Variants in ADAMTSL1 observed in about 807,000 individuals in gnomAD.
ADAMTSL1 encodes the protein ADAMTS-like protein 1.
A neutral mutation model predicts 201.8 loss-of-function variants in ADAMTSL1; 126 were observed. The ratio of observed to expected loss-of-function variants is 0.62; its 90% confidence interval spans 0.54 to 0.72. The LOEUF (loss-of-function observed/expected upper bound fraction) is 0.72, where lower values mean the gene tolerates loss of function less well. Ranked by LOEUF, ADAMTSL1 falls within the 30% of genes least tolerant of loss-of-function variation. The pLI, the probability that ADAMTSL1 is intolerant of heterozygous loss-of-function variation, is 0.00. For missense variants in ADAMTSL1, 2,679 were observed against 2,277.8 expected, an observed-to-expected ratio of 1.18 and a Z score of -3.59; for synonymous variants, 1,121 against 903.4, an observed-to-expected ratio of 1.24 and a Z score of -4.32.
chr9:18,181,966 T>G (rs1010909582), intron 2 of ADAMTSL1, among the ~76,000 whole-genome samples: 72 of 152,152 alleles, frequency 4.7e-4, no homozygotes, highest in African/African-American at 1.6e-3. Flanking sequence ...CATAAAAAAA[T>G]GATGAGTTCA....
At chr9:18,355,260 C>T (rs7862005) in intron 2 of ADAMTSL1, among the ~76,000 whole-genome samples, 62,762 of 152,018 alleles carry the variant, frequency 0.41, 13,572 homozygotes, top group Middle Eastern at 0.49. Flanking sequence ...GTCCTTCAAA[C>T]TCTAGAAGAA....
At chr9:18,733,173 C>T (rs79489796) in intron 15 of ADAMTSL1, among the ~76,000 whole-genome samples, 10,953 of 152,168 alleles carry the variant, frequency 0.072, 786 homozygotes, top group African/African-American at 0.18. Context: ...TGGGAATGAC[C>T]GCAGTGTAAA....
intron 19 of ADAMTSL1, among the ~76,000 whole-genome samples, chr9:18,780,453 G>C (rs1439082910): frequency 4.6e-5 from 7 of 152,232 alleles, no homozygotes; most frequent in Middle Eastern, 3.4e-3. Flanking sequence ...AGTTTGAGAA[G>C]GGCAAACTTA....
chr9:18,614,403 G>C (rs981963851), intron 4 of ADAMTSL1, among the ~76,000 whole-genome samples: 3 of 152,142 alleles, frequency 2.0e-5, no homozygotes, highest in Non-Finnish European at 4.4e-5. Context: ...ACAAATCCTA[G>C]TAATGCGATT....
At chr9:18,622,555 C>G (rs1344630725) in intron 5 of ADAMTSL1, 186 bp downstream of exon 5, 2 of 815,508 alleles carry the variant, frequency 2.5e-6, no homozygotes, top group Admixed American at 5.7e-5. Context: ...TTACCAGCTG[C>G]AGTCCCAAAG....
At chr9:18,406,556 C>T (rs908412977) in intron 2 of ADAMTSL1, among the ~76,000 whole-genome samples, 12 of 152,044 alleles carry the variant, frequency 7.9e-5, no homozygotes, top group African/African-American at 2.9e-4. Context: ...GGTTCAAACT[C>T]CTGACCTCAA....
chr9:18,588,744 T>G (rs1462476243), intron 4 of ADAMTSL1, among the ~76,000 whole-genome samples: 1 of 151,814 alleles, frequency 6.6e-6, no homozygotes, highest in East Asian at 1.9e-4. Context: ...TCTTGGGATC[T>G]TTGTTGAAAA....
In ADAMTSL1 at chr9:18,910,248, T is replaced by TA. The variant is rs1012238739; in HGVS notation, c.*1706dup. ...AACAGGCTCTAAGAAATCATGTTAC[T>TA]AAAAAATCAGTGTAAAGTCTGTTTA... On this transcript the variant is annotated 3_prime_UTR_variant, in exon 29 of 29. Coordinates refer to ENST00000380548, the MANE Select transcript of ADAMTSL1 (RefSeq NM_001040272.6). 1.5e-4 allele frequency: 23 copies of TA among 152,310 alleles called. No homozygotes were observed. Among genetic ancestry groups the TA allele is most frequent in the African/African-American group, 5.1e-4 (21 of 41,574 alleles). The allele number at this position is 152,310 out of a possible 1,614,324, so 9.4% of individuals were successfully genotyped here.
intron 2 of ADAMTSL1, among the ~76,000 whole-genome samples, chr9:18,392,083 C>G (rs1478652193): frequency 1.3e-5 from 2 of 152,066 alleles, no homozygotes; most frequent in African/African-American, 4.8e-5. Flanking sequence ...CTCGGCCTCC[C>G]AAAGTGCTGG....
intron 1 of ADAMTSL1, among the ~76,000 whole-genome samples, chr9:18,121,234 A>G (rs1825482845): frequency 6.6e-6 from 1 of 152,192 alleles, no homozygotes; most frequent in Admixed American, 6.5e-5. Flanking sequence ...AGACAGTTGT[A>G]CATAAAGAGA....
chr9:18,817,029 G>A (rs1396817245), intron 20 of ADAMTSL1, 80 bp from the exon 21 acceptor site: 1 of 1,541,636 alleles, frequency 6.5e-7, no homozygotes, highest in Non-Finnish European at 8.7e-7. Context: ...ATGCATTGGT[G>A]GTTAGCCCAT....
intron 1 of ADAMTSL1, among the ~76,000 whole-genome samples, chr9:17,988,748 C>T (rs533742825): frequency 6.6e-6 from 1 of 151,752 alleles, no homozygotes; most frequent in Non-Finnish European, 1.5e-5. Context: ...AACTCTTTTC[C>T]TTTTTCAGAG....
intron 3 of ADAMTSL1, among the ~76,000 whole-genome samples, chr9:18,566,907 G>C (rs1422077776): frequency 6.6e-6 from 1 of 152,168 alleles, no homozygotes; most frequent in African/African-American, 2.4e-5. Flanking sequence ...ATCAGATTCT[G>C]TGTTTTTTGT....
chr9:18,640,461 G>A (rs1374225819), intron 7 of ADAMTSL1, among the ~76,000 whole-genome samples: 1 of 152,072 alleles, frequency 6.6e-6, no homozygotes, highest in African/African-American at 2.4e-5. Context: ...GGCCTTGTGA[G>A]AGTTAATACA....
intron 1 of ADAMTSL1, among the ~76,000 whole-genome samples, chr9:18,043,100 C>T (rs1480332460): frequency 1.3e-5 from 2 of 152,056 alleles, no homozygotes; most frequent in Admixed American, 1.3e-4. Flanking sequence ...TAGTACAGAC[C>T]AGTCTTTTTC....
chr9:18,625,503 T>C (rs1055520058), intron 5 of ADAMTSL1, among the ~76,000 whole-genome samples: 1 of 152,182 alleles, frequency 6.6e-6, no homozygotes, highest in Non-Finnish European at 1.5e-5. Flanking sequence ...CAAAGTACTC[T>C]TTCTCCTTTC....
chr9:17,996,482 G>T (rs181625005), intron 1 of ADAMTSL1, among the ~76,000 whole-genome samples: 1 of 152,098 alleles, frequency 6.6e-6, no homozygotes. Flanking sequence ...CCAGGGAGGT[G>T]AAGATTGAAC....
chr9:18,202,810 A>C (rs893464233), intron 2 of ADAMTSL1, among the ~76,000 whole-genome samples: 1 of 152,106 alleles, frequency 6.6e-6, no homozygotes, highest in Non-Finnish European at 1.5e-5. Context: ...CAGAATAGAC[A>C]CAACCTTAGG....
chr9:18,588,721 C>T (rs963852743), intron 4 of ADAMTSL1, among the ~76,000 whole-genome samples: 1 of 151,558 alleles, frequency 6.6e-6, no homozygotes, highest in African/African-American at 2.4e-5. Flanking sequence ...ACTATTCCTT[C>T]CCCAGTGCAT....
Sources: allele counts gnomAD v4.1 joint callset (sites outside exome capture counted in the v4.1 genomes callset), GRCh38; gene constraint gnomAD v4.1.1; transcripts MANE v1.5; gene names NCBI Gene and HGNC (gene_info 2026-07-23, HGNC 2026-07-21).